SCAPER: variants seen among roughly 807,000 people sequenced by gnomAD.
SCAPER encodes the protein S phase cyclin A-associated protein in the endoplasmic reticulum.
A neutral mutation model predicts 182.2 loss-of-function variants in SCAPER; 98 were observed. The ratio of observed to expected loss-of-function variants is 0.54; its 90% CI spans 0.46 to 0.64. The LOEUF (loss-of-function observed/expected upper bound fraction) is 0.64, where lower values mean the gene tolerates loss of function less well. SCAPER is among the 30% of genes least tolerant of loss of function. The pLI is 0.00. For synonymous variants in SCAPER, 605 were observed against 564.6 expected, an observed-to-expected ratio of 1.07 and a Z score of -1.01; for missense variants, 1,432 against 1,690.0, an observed-to-expected ratio of 0.85 and a Z score of 2.68.
chr15:76,890,293 C>A (rs1244691659), intron 1 of SCAPER, among the ~76,000 whole-genome samples: 1 of 152,012 alleles, frequency 6.6e-6, no homozygotes, highest in Non-Finnish European at 1.5e-5. Flanking sequence ...CAAAAGCTAG[C>A]AGAAGGCAAG....
chr15:76,457,813 C>T (rs1362833005), intron 25 of SCAPER, among the ~76,000 whole-genome samples: 1 of 152,106 alleles, frequency 6.6e-6, no homozygotes, highest in East Asian at 1.9e-4. Flanking sequence ...TTAACCATCA[C>T]ATGTATTTTT....
chr15:76,514,782 C>A (rs1346432501), intron 23 of SCAPER, among the ~76,000 whole-genome samples: 1 of 152,142 alleles, frequency 6.6e-6, no homozygotes, highest in African/African-American at 2.4e-5. Context: ...TTTTTATGGT[C>A]GTTTTTCCCA....
chr15:76,437,752 A>T (rs544457049), intron 25 of SCAPER, among the ~76,000 whole-genome samples: 15 of 152,304 alleles, frequency 9.8e-5, no homozygotes, highest in Middle Eastern at 3.4e-3. Context: ...GGAACTTTTA[A>T]AAATACAGTT....
intron 31 of SCAPER, chr15:76,350,860 G>C (rs1596256831): frequency 1.2e-5 from 2 of 160,226 alleles, no homozygotes; most frequent in Non-Finnish European, 2.7e-5. Flanking sequence ...ACATGGATAA[G>C]GAACCAAACC....
intron 26 of SCAPER, among the ~76,000 whole-genome samples, chr15:76,433,233 T>G (rs1416321020): frequency 1.3e-5 from 2 of 152,010 alleles, no homozygotes; most frequent in Admixed American, 6.6e-5. Context: ...AAAAGCCAGG[T>G]GTGGTGACTC....
chr15:76,713,907 G>C lies in SCAPER; in HGVS notation c.2166-7923C>G, dbSNP rs59782694. Among the ~76,000 whole-genome samples, 662 of 152,168 alleles carry C rather than the reference G, an allele frequency of 4.4e-3. 6 individuals carry two copies. Among genetic ancestry groups the C allele is most frequent in the African/African-American group, 0.015 (630 of 41,522 alleles). On this transcript the variant is annotated intron_variant, in intron 17 of 31. Coordinates refer to ENST00000563290, the MANE Select transcript of SCAPER (RefSeq NM_020843.4). ...TTATTTACTCAAGAGAAGCAAAAGT[G>C]AATGGCCACAAAAAGACTCATATGC...
rs1158905086 is a variant in SCAPER at position 76,861,104 on chromosome 15, T to C, written c.124+1312A>G. ...TTCCTTATATTAGAAGGCTAACAAA[T>C]GCAGAAGGAATGATGGAGTTGTTAA... On this transcript the variant is annotated intron_variant, in intron 3 of 31. Coordinates refer to ENST00000563290, the MANE Select transcript of SCAPER (RefSeq NM_020843.4). 3.3e-5 allele frequency among the ~76,000 whole-genome samples: 5 copies of C among 152,098 alleles called. No individual in the cohort carries two copies. The East Asian group carries it at 5.8e-4, about 18-fold the overall frequency.
At chr15:76,862,202 A>C (rs2071932970) in intron 3 of SCAPER, among the ~76,000 whole-genome samples, 1 of 152,182 alleles carries the variant, frequency 6.6e-6, no homozygotes. Flanking sequence ...CAATAAACCC[A>C]ATTTCAAATT....
At chr15:76,428,895 A>ATATATATATATATATATATAT (rs1432164273) in intron 26 of SCAPER, among the ~76,000 whole-genome samples, 26 of 44,844 alleles carry the variant, frequency 5.8e-4, no homozygotes, top group South Asian at 1.8e-3. Context: ...TATATATATA[A>ATATATATATATATATATATAT]ACATCAAAAT....
chr15:76,762,811 A>G (rs1169871373), intron 14 of SCAPER, among the ~76,000 whole-genome samples: 2 of 151,882 alleles, frequency 1.3e-5, no homozygotes, highest in African/African-American at 4.8e-5. Flanking sequence ...ACCATAACTG[A>G]TAATTTTTTT....
intron 27 of SCAPER, among the ~76,000 whole-genome samples, chr15:76,393,518 A>G (rs1316279049): frequency 6.6e-6 from 1 of 152,238 alleles, no homozygotes; most frequent in Non-Finnish European, 1.5e-5. Flanking sequence ...AGCTGAGAAC[A>G]GGAGACTGGG....
chr15:76,857,683 A>G (rs2071517313), intron 4 of SCAPER, 126 bp downstream of exon 4: 2 of 647,264 alleles, frequency 3.1e-6, no homozygotes, highest in East Asian at 5.8e-5. Flanking sequence ...TGTTTTTAAA[A>G]AGTACATTAA....
chr15:76,572,793 T>C (rs1193991087), intron 23 of SCAPER, among the ~76,000 whole-genome samples: 15 of 152,082 alleles, frequency 9.9e-5, no homozygotes, highest in Admixed American at 8.5e-4. Flanking sequence ...GCAATTCCGA[T>C]GTAGACGAAA....
At chr15:76,351,178 T>C (rs781244308) in intron 31 of SCAPER, 59 bp downstream of exon 31, 11 of 1,467,742 alleles carry the variant, frequency 7.5e-6, no homozygotes, top group Non-Finnish European at 1.0e-5. Flanking sequence ...GAGGAAAGGA[T>C]AAGAAAGATG....
rs2058186101 is a variant in SCAPER, at chr15:76,688,866, T to G, written c.2508+12892A>C. Among the ~76,000 whole-genome samples the G allele has an allele frequency of 3.4e-5, 5 of 147,904 alleles. No individual in the cohort carries two copies. The South Asian group carries it at 1.1e-3, about 32-fold the overall frequency. ...CTCTTTTTTTTTTTTTTTTTTTTTT[T>G]GAGACAGAGTCTTGCTCTGTCGTCC... On this transcript the variant is annotated intron_variant, in intron 20 of 31. Coordinates refer to ENST00000563290, the MANE Select transcript of SCAPER (RefSeq NM_020843.4).
At chr15:76,604,755 T>G (rs911114986) in intron 22 of SCAPER, among the ~76,000 whole-genome samples, 1 of 151,928 alleles carries the variant, frequency 6.6e-6, no homozygotes, top group Non-Finnish European at 1.5e-5. Context: ...CCTTGTAAGT[T>G]GGATTCCTAG....
At chr15:76,812,598 G>A (rs1457777376) in intron 5 of SCAPER, among the ~76,000 whole-genome samples, 3 of 151,696 alleles carry the variant, frequency 2.0e-5, no homozygotes, top group East Asian at 1.9e-4. Flanking sequence ...ATGACTCATC[G>A]GAAACATAAA....
chr15:76,798,891 T>C (rs1339981718), intron 7 of SCAPER, among the ~76,000 whole-genome samples: 1 of 144,730 alleles, frequency 6.9e-6, no homozygotes, highest in Non-Finnish European at 1.5e-5. Flanking sequence ...CTAAAGGGAG[T>C]CCAGGCTCAA....
chr15:76,498,021 T>A (rs112472452), intron 24 of SCAPER, among the ~76,000 whole-genome samples: 7,389 of 42,174 alleles, frequency 0.18, 83 homozygotes, highest in Middle Eastern at 0.29. Flanking sequence ...AAAAAAAAAA[T>A]AAGCACATGA....
Sources: gnomAD v4.1 joint callset for allele counts (sites outside exome capture counted in the v4.1 genomes callset) on GRCh38, gnomAD v4.1.1 for gene constraint, MANE v1.5 for transcripts, NCBI Gene and HGNC (gene_info 2026-07-23, HGNC 2026-07-21) for gene names.